ZNF486: variants seen among roughly 807,000 people sequenced by gnomAD.
ZNF486 encodes the protein KRAB box only protein 2.
Under a neutral mutation model 12.8 loss-of-function variants are expected in ZNF486, and 12 were observed. That is an observed-to-expected ratio of 0.94 (90% confidence interval 0.60 to 1.52). ZNF486 has a LOEUF of 1.52. Ranked by LOEUF, ZNF486 falls within the 40% of genes most tolerant of loss-of-function variation. The pLI, the probability that ZNF486 is intolerant of heterozygous loss-of-function variation, is 0.00. For missense variants in ZNF486, 738 were observed against 545.0 expected (o/e 1.35, Z -3.53); for synonymous variants, 231 against 184.9 (o/e 1.25, Z -2.02).
rs1185595988 is a variant in ZNF486, at chr19:20,184,536, C to CT, written c.157+60dup. On this transcript the variant is annotated intron_variant, in intron 2 of 3. Coordinates refer to ENST00000335117, the MANE Select transcript of ZNF486 (RefSeq NM_052852.4). Reference sequence around the variant, plus strand: ...AAAAAACCCCAAAAGTTTTATTTCTCTTTTTTGCAGAATGATTTTAGTAAT... The same window carrying CT: ...AAAAAACCCCAAAAGTTTTATTTCTCTTTTTTTGCAGAATGATTTTAGTAAT... 4.5e-5 allele frequency: 68 copies of CT among 1,518,840 alleles called. 1 individual carries two copies. The South Asian group carries it at 7.5e-4, about 17-fold the overall frequency. 94.1% of individuals were successfully genotyped at this position (1,518,840 alleles called of 1,614,324 possible). A position where few individuals can be genotyped will look rare whatever the true frequency, so the allele number is the denominator to read the frequency against.
chr19:20,184,255 T>C, intron 1 of ZNF486, 101 bp from the exon 2 acceptor site: 2 of 1,542,392 alleles, frequency 1.3e-6, no homozygotes, highest in Non-Finnish European at 8.8e-7. Flanking sequence ...TAGTCAATCC[T>C]ATAAGTAAGA....
At chr19:20,169,191 C>T (rs1369974206) in intron 1 of ZNF486, among the ~76,000 whole-genome samples, 4 of 151,740 alleles carry the variant, frequency 2.6e-5, no homozygotes, top group Non-Finnish European at 5.9e-5. Context: ...CTCGGCTCAC[C>T]GCATCCTCTA....
At chr19:20,176,175 C>T (rs2089711577) in intron 1 of ZNF486, 2 of 158,028 alleles carry the variant, frequency 1.3e-5, no homozygotes, top group African/African-American at 3.5e-5. Context: ...AGGCGCTCCT[C>T]ATATCCCAGA....
chr19:20,179,460 CT>C (rs1269608802), intron 1 of ZNF486, among the ~76,000 whole-genome samples: 1 of 152,120 alleles, frequency 6.6e-6, no homozygotes, highest in African/African-American at 2.4e-5. Context: ...AAACTGTCTA[CT>C]TATATTCATG....
At chr19:20,177,850 A>G (rs1278480901) in intron 1 of ZNF486, among the ~76,000 whole-genome samples, 1 of 151,672 alleles carries the variant, frequency 6.6e-6, no homozygotes, top group Non-Finnish European at 1.5e-5. Context: ...TGCTGGGATT[A>G]CAGGCACGAG....
intron 3 of ZNF486, among the ~76,000 whole-genome samples, chr19:20,189,134 G>T (rs1555716853): frequency 6.6e-6 from 1 of 152,060 alleles, no homozygotes; most frequent in African/African-American, 2.4e-5. Flanking sequence ...AAGTGCAGTG[G>T]TGTGATATCA....
At chr19:20,186,210 T>TTCTA in intron 3 of ZNF486, 128 bp downstream of exon 3, 2 of 480,474 alleles carry the variant, frequency 4.2e-6, no homozygotes, top group East Asian at 8.9e-5. Flanking sequence ...TGGGCAGCTG[T>TTCTA]TTTATTTATT....
Position 20,186,207 on chromosome 19 carries a change from C to T in ZNF486, c.253+125C>T, listed in dbSNP as rs2089844284. ...TCCAAAGGAAATAGTTCCTGGGCAG[C>T]TGTTTTATTTATTTATTTATTTATT... On this transcript the variant is annotated intron_variant, in intron 3 of 3. Coordinates refer to ENST00000335117, the MANE Select transcript of ZNF486 (RefSeq NM_052852.4). 5.0e-5 allele frequency: 26 copies of T among 523,860 alleles called. No individual in the cohort carries two copies. The East Asian group carries it at 1.0e-3, about 20-fold the overall frequency. 32.5% of individuals were successfully genotyped at this position (523,860 alleles called of 1,614,324 possible).
At chr19:20,182,336 G>T (rs1177123524) in intron 1 of ZNF486, among the ~76,000 whole-genome samples, 1 of 152,216 alleles carries the variant, frequency 6.6e-6, no homozygotes, top group African/African-American at 2.4e-5. Context: ...ATTAAAGCTT[G>T]AGAGGCAATG....
rs2089965428 is a variant in ZNF486, at chr19:20,197,056, G to A, written c.346G>A (p.Gly116Arg). 4 of 1,612,186 alleles carry A rather than the reference G, an allele frequency of 2.5e-6. No individual in the cohort carries two copies. Among genetic ancestry groups the A allele is most frequent in the Admixed American group, 1.7e-5 (1 of 59,512 alleles). ...GATACTGAGAAAATTTGAAAAATGT[G>A]GACATGGCAATTTACACTTTAAAAA... ...KVILRKFEKC[G>R]HGNLHFKKGC... Residue 116 changes from glycine to arginine, a missense_variant, in exon 4 of 4, where the codon GGA becomes AGA. Physicochemically the swap from Gly to Arg is moderately radical, Grantham distance 125 (BLOSUM62 -2). Transcript: ENST00000335117.
intron 1 of ZNF486, among the ~76,000 whole-genome samples, chr19:20,181,526 G>C (rs1555715584): frequency 7.2e-6 from 1 of 138,374 alleles, no homozygotes; most frequent in African/African-American, 3.0e-5. Flanking sequence ...GTGGCAGCGA[G>C]ACTCCATCTC....
Position 20,197,237 on chromosome 19 carries a change from A to G in ZNF486, c.527A>G (p.His176Arg). ...FSNSKRHKRR[H>R]TEKKPLKYIE... The stretch of plus-strand genomic sequence containing the variant: ...AATTCAAAGAGACATAAAAGAAGAC[A>G]TACTGAAAAAAAACCTTTGAAATAT... Residue 176 changes from histidine (H) to arginine (R), a missense_variant, in exon 4 of 4, where the codon CAT (histidine) becomes CGT (arginine). Transcript: ENST00000335117. 1 of 1,612,688 alleles carries G rather than the reference A, an allele frequency of 6.2e-7. No individual in the cohort carries two copies. Among genetic ancestry groups the G allele is most frequent in the Non-Finnish European group, 8.5e-7 (1 of 1,179,654 alleles).
intron 3 of ZNF486, among the ~76,000 whole-genome samples, chr19:20,186,801 T>TTTTTTTTTTTTTA (rs2089852474): frequency 6.7e-6 from 1 of 150,166 alleles, no homozygotes; most frequent in African/African-American, 2.5e-5. Context: ...TTTTTTTTTT[T>TTTTTTTTTTTTTA]GAGAAGGAGT....
chr19:20,174,498 C>T (rs191048636), intron 1 of ZNF486, among the ~76,000 whole-genome samples: 29 of 151,994 alleles, frequency 1.9e-4, no homozygotes, highest in African/African-American at 7.0e-4. Flanking sequence ...AAGCGATTCT[C>T]CTGCCTCAGC....
rs1568328670 is a variant in ZNF486, at chr19:20,197,633, C to T, written c.923C>T (p.Thr308Ile). 1.2e-6 allele frequency: 2 copies of T among 1,613,584 alleles called. No homozygotes were observed. Among genetic ancestry groups the T allele is most frequent in the African/African-American group, 1.3e-5 (1 of 74,942 alleles). The change falls in exon 4 of 4, where the codon ACT (threonine) becomes ATT (isoleucine). Residue 308 changes from threonine (T) to isoleucine (I), a missense_variant. Physicochemically the swap from Thr to Ile is moderately conservative, Grantham distance 89. Coordinates refer to ENST00000335117, the MANE Select transcript of ZNF486 (RefSeq NM_052852.4). ...ECDKAFNHPATLSSHKKIHTG... is the reference protein window; with the variant it reads ...ECDKAFNHPAILSSHKKIHTG... ...GACAAAGCTTTTAACCATCCTGCAA[C>T]TCTTTCTTCACATAAGAAAATTCAT...
At chr19:20,185,710 A>T (rs964182438) in intron 2 of ZNF486, among the ~76,000 whole-genome samples, 1 of 151,106 alleles carries the variant, frequency 6.6e-6, no homozygotes, top group Non-Finnish European at 1.5e-5. Context: ...AACTGGCCCT[A>T]TTTATGGTTT....
chr19:20,167,283 C>T lies in ZNF486; in HGVS notation c.-48C>T. On this transcript the variant is annotated 5_prime_UTR_variant, in exon 1 of 4. Transcript: ENST00000335117. ...TGTGTCCTCTGCTCCTAGAGGCCCA[C>T]CCTCTGTGGCCCTGTGTCCTGTAGG... 6.2e-7 allele frequency: 1 copy of T among 1,613,008 alleles called. No individual in the cohort carries two copies. Among genetic ancestry groups the T allele is most frequent in the Non-Finnish European group, 8.5e-7 (1 of 1,178,962 alleles).
Position 20,175,725 on chromosome 19 carries a change from C to A in ZNF486, c.30+8365C>A, listed in dbSNP as rs377505664. Reference sequence around the variant, plus strand: ...GACCAAAATGAAAAGTCTCCCATGTCTACTTCTTTCTACACAGACACGGCA... The same window carrying A: ...GACCAAAATGAAAAGTCTCCCATGTATACTTCTTTCTACACAGACACGGCA... On this transcript the variant is annotated intron_variant, in intron 1 of 3. Transcript: ENST00000335117. Among the ~76,000 whole-genome samples, 40 of 152,328 alleles carry A rather than the reference C, an allele frequency of 2.6e-4. No individual in the cohort carries two copies. The South Asian group carries it at 5.4e-3, about 21-fold the overall frequency.
At chr19:20,193,851 T>C (rs1198415951) in intron 3 of ZNF486, among the ~76,000 whole-genome samples, 1 of 152,122 alleles carries the variant, frequency 6.6e-6, no homozygotes, top group Non-Finnish European at 1.5e-5. Context: ...CAGTTTCTTA[T>C]TTTCTTTTGT....
Sources: allele counts gnomAD v4.1 joint callset (sites outside exome capture counted in the v4.1 genomes callset), GRCh38; gene constraint gnomAD v4.1.1; transcripts MANE v1.5; gene names NCBI Gene and HGNC (gene_info 2026-07-23, HGNC 2026-07-21).